KCNC2: variants seen among roughly 807,000 people sequenced by gnomAD.
The protein encoded by KCNC2 is voltage-gated potassium channel KCNC2.
In KCNC2, 21 loss-of-function variants were observed where a neutral mutation model predicts 44.5. The observed-to-expected ratio is 0.47, with a 90% CI of 0.33 to 0.68. The LOEUF (loss-of-function observed/expected upper bound fraction) is 0.68, where lower values mean the gene tolerates loss of function less well. KCNC2 is among the 30% of genes least tolerant of loss of function. The pLI is 0.01. For missense variants in KCNC2, 589 were observed against 826.2 expected (o/e 0.71, Z 3.52); for synonymous variants, 391 against 339.1 (o/e 1.15, Z -1.68).
chr12:75,083,391 C>T (rs1030236422), intron 2 of KCNC2, among the ~76,000 whole-genome samples: 2 of 151,876 alleles, frequency 1.3e-5, no homozygotes, highest in African/African-American at 4.8e-5. Flanking sequence ...ATCCCATGTG[C>T]ATTTAACTGA....
chr12:75,089,828 G>A (rs909912754), intron 2 of KCNC2, among the ~76,000 whole-genome samples: 2 of 151,708 alleles, frequency 1.3e-5, no homozygotes, highest in East Asian at 3.9e-4. Context: ...TCAGTTTCTG[G>A]GTTACATGAG....
At chr12:75,136,205 T>C (rs1168725425) in intron 2 of KCNC2, among the ~76,000 whole-genome samples, 1 of 152,040 alleles carries the variant, frequency 6.6e-6, no homozygotes, top group Non-Finnish European at 1.5e-5. Flanking sequence ...GGGAACATTA[T>C]AGCATTAAAT....
chr12:75,170,350 T>G (rs1298961324), intron 2 of KCNC2, among the ~76,000 whole-genome samples: 2 of 151,674 alleles, frequency 1.3e-5, no homozygotes, highest in East Asian at 1.9e-4. Context: ...CTTTTTCAAA[T>G]GTACCAAGAG....
chr12:75,087,849 G>A (rs1885151823), intron 2 of KCNC2, among the ~76,000 whole-genome samples: 1 of 152,034 alleles, frequency 6.6e-6, no homozygotes, highest in Non-Finnish European at 1.5e-5. Flanking sequence ...AGCATCTTCA[G>A]GCAGAAGAAT....
Position 75,099,193 on chromosome 12 carries a change from G to A in KCNC2, c.688-47876C>T, listed in dbSNP as rs535991611. ...TGAAAAATTATGAGTAGCGTCTAAAGGGCTGGCACAAATGCAAGGTGCCAT... is the reference window on the plus strand; with the variant it reads ...TGAAAAATTATGAGTAGCGTCTAAAAGGCTGGCACAAATGCAAGGTGCCAT... On this transcript the variant is annotated intron_variant, in intron 2 of 4. Transcript: ENST00000549446. Among the ~76,000 whole-genome samples, 8 of 152,286 alleles carry A rather than the reference G, an allele frequency of 5.3e-5. No homozygotes were observed. The East Asian group carries it at 1.5e-3, about 29-fold the overall frequency.
At chr12:75,150,888 C>G (rs1440709975) in intron 2 of KCNC2, among the ~76,000 whole-genome samples, 2 of 151,864 alleles carry the variant, frequency 1.3e-5, no homozygotes, top group Admixed American at 1.3e-4. Flanking sequence ...ACGTAACCTT[C>G]AAAACTCTAA....
chr12:75,115,942 T>C (rs577827562), intron 2 of KCNC2, among the ~76,000 whole-genome samples: 1 of 152,134 alleles, frequency 6.6e-6, no homozygotes, highest in African/African-American at 2.4e-5. Flanking sequence ...AAATTACAGG[T>C]TGCTTGAGCG....
Position 75,049,859 on chromosome 12 carries a change from A to G in KCNC2, c.1615+531T>C, listed in dbSNP as rs185123675. On this transcript the variant is annotated intron_variant, in intron 3 of 4. Transcript: ENST00000549446. ...GATATTACTAGGGAAGAGCTTTGTT[A>G]TCAAAAAGGTTATCTTCCATATCAC... Among the ~76,000 whole-genome samples the G allele has an allele frequency of 7.2e-5, 11 of 152,248 alleles. No individual in the cohort carries two copies. In the East Asian group the frequency reaches 1.9e-3, roughly 27 times the overall value.
intron 2 of KCNC2, among the ~76,000 whole-genome samples, chr12:75,189,616 C>A (rs2029998438): frequency 6.6e-6 from 1 of 152,326 alleles, no homozygotes; most frequent in Admixed American, 6.5e-5. Context: ...GTAATTAAAC[C>A]TGTGCTAGGC....
intron 2 of KCNC2, among the ~76,000 whole-genome samples, chr12:75,174,615 A>T (rs1469613405): frequency 6.6e-6 from 1 of 151,892 alleles, no homozygotes; most frequent in Admixed American, 6.6e-5. Flanking sequence ...CTTTTCAGAT[A>T]TCAAAGTGGT....
At chr12:75,191,930 C>G (rs2030321944) in intron 2 of KCNC2, among the ~76,000 whole-genome samples, 1 of 152,084 alleles carries the variant, frequency 6.6e-6, no homozygotes, top group Non-Finnish European at 1.5e-5. Context: ...TACCTAATCT[C>G]TATAATATTA....
Position 75,103,470 on chromosome 12 carries a change from T to C in KCNC2, c.688-52153A>G, listed in dbSNP as rs17114594. 3.4e-3 allele frequency among the ~76,000 whole-genome samples: 515 copies of C among 152,304 alleles called. 2 individuals are homozygous for C. Among genetic ancestry groups the C allele is most frequent in the African/African-American group, 0.012 (480 of 41,578 alleles). ...TTATTCTTCACTGCCAGGGGTACTT[T>C]TATATTGTCACTTAATATCAACCAA... On this transcript the variant is annotated intron_variant, in intron 2 of 4. Coordinates refer to ENST00000549446, the MANE Select transcript of KCNC2 (RefSeq NM_139137.4).
chr12:75,090,410 A>T (rs1426993814), intron 2 of KCNC2, among the ~76,000 whole-genome samples: 1 of 151,314 alleles, frequency 6.6e-6, no homozygotes, highest in Non-Finnish European at 1.5e-5. Context: ...CCACTATCTT[A>T]TTGACTTCTT....
chr12:75,098,302 T>G (rs1886100608), intron 2 of KCNC2, among the ~76,000 whole-genome samples: 1 of 152,236 alleles, frequency 6.6e-6, no homozygotes, highest in Admixed American at 6.5e-5. Flanking sequence ...TATATTACTG[T>G]GCTATCTGTT....
intron 2 of KCNC2, among the ~76,000 whole-genome samples, chr12:75,079,810 T>C (rs943672926): frequency 6.6e-6 from 1 of 152,144 alleles, no homozygotes; most frequent in Non-Finnish European, 1.5e-5. Flanking sequence ...TTCTGAGACA[T>C]ACACTTTGGC....
intron 2 of KCNC2, among the ~76,000 whole-genome samples, chr12:75,109,719 C>A (rs1039598848): frequency 7.2e-5 from 11 of 152,102 alleles, no homozygotes; most frequent in Admixed American, 7.2e-4. Flanking sequence ...AAACCCTGAA[C>A]TGGTGTCTAC....
chr12:75,172,582 T>C (rs1371540206), intron 2 of KCNC2, among the ~76,000 whole-genome samples: 6 of 151,882 alleles, frequency 4.0e-5, no homozygotes, highest in Non-Finnish European at 1.5e-5. Context: ...AATCAGCCCA[T>C]GCATCTCTCA....
chr12:75,194,688 C>A (rs569191267), intron 2 of KCNC2, among the ~76,000 whole-genome samples: 1 of 152,214 alleles, frequency 6.6e-6, no homozygotes, highest in Admixed American at 6.5e-5. Context: ...TGTCTTATAT[C>A]CAGGAAGGGC....
intron 2 of KCNC2, among the ~76,000 whole-genome samples, chr12:75,194,998 T>C (rs1171652201): frequency 6.6e-6 from 1 of 152,176 alleles, no homozygotes; most frequent in Non-Finnish European, 1.5e-5. Flanking sequence ...GAGTTTTATG[T>C]AAAGCAATTT....
Sources: allele counts gnomAD v4.1 joint callset (sites outside exome capture counted in the v4.1 genomes callset), GRCh38; gene constraint gnomAD v4.1.1; transcripts MANE v1.5; gene names NCBI Gene and HGNC (gene_info 2026-07-23, HGNC 2026-07-21).